The following TPTE variants were observed in gnomAD, a reference collection of about 807,000 sequenced individuals.
TPTE encodes putative tyrosine-protein phosphatase TPTE.
A neutral mutation model predicts 84.1 loss-of-function variants in TPTE; 59 were observed. The observed-to-expected ratio is 0.70, with a 90% CI of 0.57 to 0.87. TPTE has a LOEUF of 0.87. Among genes scored for constraint, TPTE ranks in the 40% least tolerant of loss-of-function variants. The pLI is 0.00. For synonymous variants in TPTE, 130 were observed against 223.5 expected, an observed-to-expected ratio of 0.58 and a Z score of 3.73; for missense variants, 382 against 659.6, an observed-to-expected ratio of 0.58 and a Z score of 4.61.
intron 14 of TPTE, among the ~76,000 whole-genome samples, chr21:10,572,450 CAAA>C (rs58796102): frequency 4.7e-3 from 619 of 131,858 alleles, no homozygotes; most frequent in African/African-American, 0.014. Flanking sequence ...AGACTGTATC[CAAA>C]AAAAAAAAAA....
At chr21:10,591,949 G>C (rs995730067) in intron 18 of TPTE, among the ~76,000 whole-genome samples, 1 of 152,306 alleles carries the variant, frequency 6.6e-6, no homozygotes, top group African/African-American at 2.4e-5. Flanking sequence ...GATCTCTTGA[G>C]GTCAAGAGTT....
intron 3 of TPTE, among the ~76,000 whole-genome samples, chr21:10,534,917 T>A (rs1434205829): frequency 1.3e-5 from 2 of 152,308 alleles, no homozygotes; most frequent in African/African-American, 4.8e-5. Context: ...TTAGGCTATA[T>A]TAGTTTCTAG....
rs1234577631 is a variant in TPTE at position 10,558,777 on chromosome 21, GAGCCTCCAACACAGGAGGCTTCAGT to G, written c.234-714_234-690del. 5.5e-5 allele frequency among the ~76,000 whole-genome samples: 8 copies of G among 145,432 alleles called. No homozygotes were observed. In the East Asian group the frequency reaches 1.6e-3, roughly 29 times the overall value. ...TGTGTTGGAGGCTTCTCCTCCTGAA[GAGCCTCCAACACAGGAGGCTTCAGT>G]AGGACAAAAAAAATTGTTCCTCATG... On this transcript the variant is annotated intron_variant, in intron 8 of 23. Transcript: ENST00000618007.
intron 7 of TPTE, among the ~76,000 whole-genome samples, chr21:10,544,415 C>A (rs1241433504): frequency 2.0e-5 from 3 of 152,310 alleles, no homozygotes; most frequent in African/African-American, 7.2e-5. Context: ...GAGATGAAGT[C>A]TCGCTGTTGC....
chr21:10,542,477 T>A, intron 6 of TPTE, 29 bp downstream of exon 6: 1 of 1,608,158 alleles, frequency 6.2e-7, no homozygotes, highest in Non-Finnish European at 8.5e-7. Context: ...AAGTCACCCG[T>A]CAGCATAAGT....
At chr21:10,587,878 C>G (rs1225593953) in intron 17 of TPTE, among the ~76,000 whole-genome samples, 1 of 152,298 alleles carries the variant, frequency 6.6e-6, no homozygotes, top group Admixed American at 6.5e-5. Context: ...GAGATGGAGT[C>G]TTGCTCTGTC....
chr21:10,542,654 C>A (rs1482049427), intron 6 of TPTE, among the ~76,000 whole-genome samples: 5 of 152,424 alleles, frequency 3.3e-5, no homozygotes, highest in African/African-American at 4.8e-5. Flanking sequence ...ACAAACTAAT[C>A]CATGCACATG....
chr21:10,549,948 C>T (rs560956820), intron 7 of TPTE, among the ~76,000 whole-genome samples: 1 of 152,412 alleles, frequency 6.6e-6, no homozygotes, highest in African/African-American at 2.4e-5. Flanking sequence ...AATGGAATCC[C>T]CATTAGACTA....
intron 20 of TPTE, among the ~76,000 whole-genome samples, chr21:10,597,457 C>T (rs1176979104): frequency 1.3e-5 from 2 of 151,642 alleles, no homozygotes; most frequent in Admixed American, 6.5e-5. Flanking sequence ...TTCTGTTGCC[C>T]AGGCTGGAGT....
intron 10 of TPTE, among the ~76,000 whole-genome samples, chr21:10,565,798 A>G (rs1376492008): frequency 3.3e-5 from 5 of 152,300 alleles, no homozygotes; most frequent in South Asian, 2.1e-4. Context: ...AAAACTGGAT[A>G]TACACATACA....
At chr21:10,548,056 C>T (rs1174498608) in intron 7 of TPTE, among the ~76,000 whole-genome samples, 2 of 152,300 alleles carry the variant, frequency 1.3e-5, no homozygotes, top group African/African-American at 2.4e-5. Context: ...CCCAGTAGCC[C>T]TCTGCTTTTA....
intron 11 of TPTE, among the ~76,000 whole-genome samples, chr21:10,569,064 A>G (rs1241915754): frequency 6.6e-6 from 1 of 152,308 alleles, no homozygotes; most frequent in Non-Finnish European, 1.5e-5. Context: ...CCAAAATTAA[A>G]TTTACAGATG....
chr21:10,574,864 G>A (rs1368903205), intron 14 of TPTE, among the ~76,000 whole-genome samples: 1 of 152,312 alleles, frequency 6.6e-6, no homozygotes, highest in Non-Finnish European at 1.5e-5. Flanking sequence ...TGGAGTCTGG[G>A]CACATCAGCT....
intron 21 of TPTE, among the ~76,000 whole-genome samples, chr21:10,600,408 G>T (rs1260944588): frequency 6.6e-6 from 1 of 152,306 alleles, no homozygotes. Flanking sequence ...CAAAGTGCTA[G>T]GATTACAGGC....
intron 21 of TPTE, among the ~76,000 whole-genome samples, chr21:10,600,435 G>C (rs1291439070): frequency 2.0e-5 from 3 of 152,268 alleles, no homozygotes; most frequent in African/African-American, 7.2e-5. Flanking sequence ...CACTGTGCCT[G>C]GCCCATTTTT....
At chr21:10,528,853 C>T (rs1215370389) in intron 3 of TPTE, among the ~76,000 whole-genome samples, 1 of 152,312 alleles carries the variant, frequency 6.6e-6, no homozygotes, top group Non-Finnish European at 1.5e-5. Flanking sequence ...CTTAATATGG[C>T]CCAAGGATTC....
chr21:10,573,786 G>C (rs1213398427), intron 14 of TPTE, among the ~76,000 whole-genome samples: 1 of 152,312 alleles, frequency 6.6e-6, no homozygotes, highest in East Asian at 1.9e-4. Flanking sequence ...TTGGCTGAAT[G>C]GCCCCATGTG....
chr21:10,554,496 G>A (rs545594092), intron 8 of TPTE, among the ~76,000 whole-genome samples: 61 of 152,394 alleles, frequency 4.0e-4, no homozygotes, highest in East Asian at 3.5e-3. Flanking sequence ...AAATATATTT[G>A]TTCTAATGCA....
chr21:10,587,517 G>A (rs1050093573), intron 17 of TPTE, among the ~76,000 whole-genome samples: 1 of 151,762 alleles, frequency 6.6e-6, no homozygotes, highest in African/African-American at 2.4e-5. Context: ...ATGACTTCCA[G>A]CTGCATCCAT....
Sources: allele counts gnomAD v4.1 joint callset (sites outside exome capture counted in the v4.1 genomes callset), GRCh38; gene constraint gnomAD v4.1.1; transcripts MANE v1.5; gene names NCBI Gene and HGNC (gene_info 2026-07-23, HGNC 2026-07-21).